The following IFFO2 variants were observed in gnomAD, a reference collection of about 807,000 sequenced individuals.
IFFO2 encodes intermediate filament family orphan 2.
IFFO2 carries 19 observed loss-of-function variants against 53.5 expected under a neutral mutation model. The observed-to-expected ratio is 0.36, with a 90% CI of 0.25 to 0.52. The LOEUF is 0.52. Among genes scored for constraint, IFFO2 ranks in the 20% least tolerant of loss-of-function variants. The pLI, the probability that IFFO2 is intolerant of heterozygous loss-of-function variation, is 0.94. For synonymous variants in IFFO2, 303 were observed against 313.6 expected (o/e 0.97, Z 0.36); for missense variants, 570 against 727.4 (o/e 0.78, Z 2.49).
At chr1:18,927,669 A>G (rs1936322886) in intron 1 of IFFO2, among the ~76,000 whole-genome samples, 2 of 152,266 alleles carry the variant, frequency 1.3e-5, no homozygotes, top group African/African-American at 4.8e-5. Flanking sequence ...TGGGGGCCCC[A>G]ATCAGCTGTT....
chr1:18,908,813 A>G, intron 8 of IFFO2, 147 bp from the exon 9 acceptor site: 2 of 638,206 alleles, frequency 3.1e-6, no homozygotes, highest in Admixed American at 4.8e-5. Flanking sequence ...AGCTATCCTT[A>G]AGATCCTTTA....
chr1:18,918,503 C>T lies in IFFO2; in HGVS notation c.823-1G>A. The T allele has an allele frequency of 6.4e-7, 1 of 1,552,644 alleles. No homozygotes were observed. Among genetic ancestry groups the T allele is most frequent in the Non-Finnish European group, 8.7e-7 (1 of 1,147,422 alleles). ...TCTTTGTGTCCAGGTCTGTCATGGGCTGCAGGGAGGACAGCAGGGTTTACA... is the reference window on the plus strand; with the variant it reads ...TCTTTGTGTCCAGGTCTGTCATGGGTTGCAGGGAGGACAGCAGGGTTTACA... On this transcript the variant is annotated splice_acceptor_variant, in intron 3 of 8. Coordinates refer to ENST00000455833, the MANE Select transcript of IFFO2 (RefSeq NM_001136265.2). LOFTEE classifies it high-confidence loss of function. The surrounding 1 kb of genome is among the most constrained non-coding windows in gnomAD (Gnocchi z 5.2).
intron 1 of IFFO2, among the ~76,000 whole-genome samples, chr1:18,930,481 C>T (rs779307810): frequency 2.6e-5 from 4 of 152,180 alleles, no homozygotes; most frequent in Non-Finnish European, 4.4e-5. Flanking sequence ...AGGAAAGAAG[C>T]CAGATGCTAA....
chr1:18,911,980 T>C lies in IFFO2; in HGVS notation c.1207A>G (p.Ile403Val). 1 of 1,551,758 alleles carries C rather than the reference T, an allele frequency of 6.4e-7. No homozygotes were observed. Among genetic ancestry groups the C allele is most frequent in the Non-Finnish European group, 8.7e-7 (1 of 1,147,008 alleles). The change falls in exon 6 of 9, where the codon ATC becomes GTC. Residue 403 changes from isoleucine to valine, a missense_variant. By Grantham distance (29) the Ile-to-Val change is conservative. Transcript: ENST00000455833. ...WEDFTNCNPT[I>V]DLQGEQEENL... ...GGGCTTACCTCGCCCTGCAGGTCGA[T>C]GGTCGGATTGCAGTTGGTGAAATCC...
At chr1:18,951,543 A>T (rs568742107) in intron 1 of IFFO2, among the ~76,000 whole-genome samples, 1 of 152,324 alleles carries the variant, frequency 6.6e-6, no homozygotes, top group Admixed American at 6.5e-5. Flanking sequence ...CCAGGCCCCC[A>T]AAAGAGTCGC....
intron 1 of IFFO2, among the ~76,000 whole-genome samples, chr1:18,946,830 A>G (rs1246569199): frequency 6.6e-6 from 1 of 152,210 alleles, no homozygotes; most frequent in Non-Finnish European, 1.5e-5. Context: ...GGGTTATTAC[A>G]GCTTCCATGA....
At chr1:18,951,450 G>A (rs893794455) in intron 1 of IFFO2, among the ~76,000 whole-genome samples, 5 of 152,188 alleles carry the variant, frequency 3.3e-5, no homozygotes, top group African/African-American at 4.8e-5. Context: ...CCACTCGCAC[G>A]GGAGGGAACC....
At position 18,918,437 on chromosome 1, in the gene IFFO2, G is replaced by A; in HGVS notation, c.888C>T (p.Arg296=). 1 of 1,561,600 alleles carries A rather than the reference G, an allele frequency of 6.4e-7. No homozygotes were observed. The change falls in exon 4 of 9, where the codon CGC becomes CGT. Residue 296 remains arginine (R), a synonymous_variant. Coordinates refer to ENST00000455833, the MANE Select transcript of IFFO2 (RefSeq NM_001136265.2). This position sits in a 1 kb window ranked among gnomAD's most constrained non-coding sequence, Gnocchi z 5.2. Reference sequence around the variant, plus strand: ...ACAGCTTGGCCGTGATATCGATTCGGCGGCAGATGTCCATGTCCACCTTCA... The same window carrying A: ...ACAGCTTGGCCGTGATATCGATTCGACGGCAGATGTCCATGTCCACCTTCA... ...KAMKVDMDIC[R]RIDITAKLCD... is the part of the protein sequence containing the mutation.
At chr1:18,926,046 T>C (rs1557643314) in intron 1 of IFFO2, among the ~76,000 whole-genome samples, 98 of 104,024 alleles carry the variant, frequency 9.4e-4, no homozygotes, top group East Asian at 9.2e-3. Context: ...GATGGATGGA[T>C]GGATGGATTG....
At chr1:18,925,898 ATGGAT>A (rs1557643171) in intron 1 of IFFO2, among the ~76,000 whole-genome samples, 7 of 16,538 alleles carry the variant, frequency 4.2e-4, no homozygotes, top group Non-Finnish European at 8.0e-4. Context: ...GATGGATTGG[ATGGAT>A]TGGTTGGATG....
At position 18,905,558 on chromosome 1, in the gene IFFO2, C is replaced by G. The variant is rs917573456; in HGVS notation, c.*3003G>C. ...TAATTCTCCCTAGGTCATCTGAGCT[C>G]TACCCACAGAGTTAGTCCACGATGG... On this transcript the variant is annotated 3_prime_UTR_variant, in exon 9 of 9. Transcript: ENST00000455833. The G allele has an allele frequency of 2.6e-5, 4 of 152,166 alleles. No individual in the cohort carries two copies. Among genetic ancestry groups the G allele is most frequent in the African/African-American group, 4.8e-5 (2 of 41,428 alleles). 9.4% of individuals were successfully genotyped at this position (152,166 alleles called of 1,614,324 possible). A position where few individuals can be genotyped will look rare whatever the true frequency, so the allele number is the denominator to read the frequency against.
In IFFO2 at chr1:18,916,836, C is replaced by T. The variant is rs1936139064; in HGVS notation, c.1103+67G>A. 6.6e-7 allele frequency: 1 copy of T among 1,524,584 alleles called. No individual in the cohort carries two copies. The allele number at this position is 1,524,584 out of a possible 1,614,324, so 94.4% of individuals were successfully genotyped here. A position where few individuals can be genotyped will look rare whatever the true frequency, so the allele number is the denominator to read the frequency against. On this transcript the variant is annotated intron_variant, in intron 5 of 8. Coordinates refer to ENST00000455833, the MANE Select transcript of IFFO2 (RefSeq NM_001136265.2). This position sits in a 1 kb window ranked among gnomAD's most constrained non-coding sequence, Gnocchi z 4.3. ...TGCAGGCTACTCTCAGCCCAAGCCT[C>T]CCATTCACCGCCCCTGTGCAAGCAA...
At chr1:18,923,022 C>T (rs1338004910) in intron 1 of IFFO2, among the ~76,000 whole-genome samples, 1 of 152,172 alleles carries the variant, frequency 6.6e-6, no homozygotes, top group African/African-American at 2.4e-5. Flanking sequence ...CGAGCTGAAT[C>T]ATCTCTCCTG....
At chr1:18,924,654 T>A (rs1270069393) in intron 1 of IFFO2, among the ~76,000 whole-genome samples, 1 of 152,188 alleles carries the variant, frequency 6.6e-6, no homozygotes, top group Admixed American at 6.5e-5. Context: ...GACAGAATCC[T>A]ACGCCCGGGC....
Position 18,947,892 on chromosome 1 carries a change from C to T in IFFO2, c.665+7776G>A, listed in dbSNP as rs981346072. 6.6e-6 allele frequency among the ~76,000 whole-genome samples: 1 copy of T among 152,256 alleles called. No homozygotes were observed. Among genetic ancestry groups the T allele is most frequent in the African/African-American group, 2.4e-5 (1 of 41,464 alleles). On this transcript the variant is annotated intron_variant, in intron 1 of 8. Transcript: ENST00000455833. This position sits in a 1 kb window ranked among gnomAD's most constrained non-coding sequence, Gnocchi z 5.0. ...GCTGGGGAGACCCCGTGCCTCCTGC[C>T]TGCCTCCTCACCCTGAGCCAGCCTT...
chr1:18,942,069 T>G (rs75058277), intron 1 of IFFO2, among the ~76,000 whole-genome samples: 1,685 of 152,282 alleles, frequency 0.011, 36 homozygotes, highest in African/African-American at 0.038. Context: ...AAAAGGCCAG[T>G]CTTCAGCCAA....
intron 5 of IFFO2, among the ~76,000 whole-genome samples, chr1:18,913,870 G>A (rs542327549): frequency 5.8e-4 from 89 of 152,224 alleles, no homozygotes; most frequent in Middle Eastern, 6.8e-3. Context: ...TCTCGCTGTC[G>A]CCCAGGCTGG....
Position 18,918,219 on chromosome 1 carries a change from C to T in IFFO2, c.963+143G>A. Reference sequence around the variant, plus strand: ...ATTCTACGTTTTCCTGGGGAGGCCACAGGGTCAGGTAGTGCTACCTCTCGG... The same window carrying T: ...ATTCTACGTTTTCCTGGGGAGGCCATAGGGTCAGGTAGTGCTACCTCTCGG... On this transcript the variant is annotated intron_variant, in intron 4 of 8. Transcript: ENST00000455833. This position sits in a 1 kb window ranked among gnomAD's most constrained non-coding sequence, Gnocchi z 5.2. 1.4e-6 allele frequency: 1 copy of T among 739,572 alleles called. No homozygotes were observed. The highest frequency in any genetic ancestry group is 1.8e-5 in the South Asian group (1 of 54,468). The allele number at this position is 739,572 out of a possible 1,614,324, so 45.8% of individuals were successfully genotyped here. A position where few individuals can be genotyped will look rare whatever the true frequency, so the allele number is the denominator to read the frequency against.
chr1:18,933,999 T>C (rs2148180303), intron 1 of IFFO2, among the ~76,000 whole-genome samples: 1 of 151,614 alleles, frequency 6.6e-6, no homozygotes, highest in Non-Finnish European at 1.5e-5. Flanking sequence ...CTGGGTACTT[T>C]GTATAAATAG....
Sources: allele counts gnomAD v4.1 joint callset (sites outside exome capture counted in the v4.1 genomes callset), GRCh38; gene constraint gnomAD v4.1.1; non-coding constraint Gnocchi (gnomAD v3.1); transcripts MANE v1.5; gene names NCBI Gene and HGNC (gene_info 2026-07-23, HGNC 2026-07-21).